AFG2A: variants seen among roughly 807,000 people sequenced by gnomAD.
AFG2A encodes AAA ATPase AFG2A, also known as ATPase family gene 2 protein homolog A.
chr4:123,301,202 G>C, the AFG2A span, among the ~76,000 whole-genome samples: 3 of 152,052 alleles, frequency 2.0e-5, no homozygotes, highest in African/African-American at 7.3e-5. Flanking sequence ...TGTATTCTTA[G>C]ATCCATCTAG....
At chr4:123,290,321 CA>C in the AFG2A span, among the ~76,000 whole-genome samples, 7 of 152,122 alleles carry the variant, frequency 4.6e-5, no homozygotes. Context: ...AGTATTTTTA[CA>C]GTTTCAGTTC....
chr4:123,109,456 G>A, the AFG2A span, among the ~76,000 whole-genome samples: 1 of 151,978 alleles, frequency 6.6e-6, no homozygotes, highest in Non-Finnish European at 1.5e-5. Context: ...GTACCATCTG[G>A]CCCTTTATTA....
the AFG2A span, among the ~76,000 whole-genome samples, chr4:123,195,583 C>A: frequency 0.013 from 1,992 of 152,080 alleles, 15 homozygotes; most frequent in African/African-American, 0.02. Context: ...ATATAAAATT[C>A]GAGTTTAACA....
chr4:123,098,039 A>G, the AFG2A span, among the ~76,000 whole-genome samples: 5 of 151,978 alleles, frequency 3.3e-5, no homozygotes, highest in Non-Finnish European at 5.9e-5. Context: ...TTTGTCTGTT[A>G]CTCCTTTTGC....
At chr4:122,945,916 G>A in the AFG2A span, among the ~76,000 whole-genome samples, 1 of 152,226 alleles carries the variant, frequency 6.6e-6, no homozygotes, top group Admixed American at 6.5e-5. Flanking sequence ...TGTAAGAGAA[G>A]GGTTGTCACC....
At chr4:123,013,984 C>T in the AFG2A span, among the ~76,000 whole-genome samples, 3 of 152,086 alleles carry the variant, frequency 2.0e-5, no homozygotes, top group Admixed American at 6.5e-5. Context: ...AAAATGATTT[C>T]TTCTAGTTTT....
the AFG2A span, among the ~76,000 whole-genome samples, chr4:123,164,016 C>T: frequency 6.6e-6 from 1 of 152,206 alleles, no homozygotes; most frequent in Non-Finnish European, 1.5e-5. Flanking sequence ...ATTGAGTGTT[C>T]TGATCAGGCT....
the AFG2A span, among the ~76,000 whole-genome samples, chr4:122,974,109 T>G: frequency 0.012 from 1,754 of 152,180 alleles, 31 homozygotes; most frequent in Middle Eastern, 0.017. Context: ...CTGTAGTTTG[T>G]ATTAGAAATA....
chr4:123,049,135 T>C, the AFG2A span, among the ~76,000 whole-genome samples: 2 of 152,222 alleles, frequency 1.3e-5, no homozygotes, highest in African/African-American at 4.8e-5. Context: ...GTTTTTGTCC[T>C]TGATTCTGTT....
chr4:123,052,128 C>T, the AFG2A span, among the ~76,000 whole-genome samples: 1 of 151,994 alleles, frequency 6.6e-6, no homozygotes, highest in Admixed American at 6.6e-5. Context: ...CCGTTCATTT[C>T]TTTTCATTCC....
chr4:123,064,239 GA>G, the AFG2A span, among the ~76,000 whole-genome samples: 3 of 152,098 alleles, frequency 2.0e-5, no homozygotes, highest in African/African-American at 7.2e-5. Flanking sequence ...CTACATTTGG[GA>G]AAATTAAAAA....
the AFG2A span, among the ~76,000 whole-genome samples, chr4:123,055,040 C>G: frequency 1.3e-5 from 2 of 152,152 alleles, no homozygotes; most frequent in African/African-American, 4.8e-5. Context: ...ATTGCTTACA[C>G]GATAAAATCT....
the AFG2A span, among the ~76,000 whole-genome samples, chr4:123,195,388 G>T: frequency 6.6e-6 from 1 of 151,872 alleles, no homozygotes; most frequent in Non-Finnish European, 1.5e-5. Flanking sequence ...CAAATTTTGG[G>T]TTTTTTTCTA....
At chr4:123,282,957 A>G in the AFG2A span, among the ~76,000 whole-genome samples, 24 of 152,162 alleles carry the variant, frequency 1.6e-4, no homozygotes, top group African/African-American at 5.5e-4. Context: ...TCTGTATCGG[A>G]ACACTTAATA....
At chr4:123,186,903 C>T in the AFG2A span, among the ~76,000 whole-genome samples, 1 of 152,042 alleles carries the variant, frequency 6.6e-6, no homozygotes, top group Non-Finnish European at 1.5e-5. Context: ...ACCTGCAAAG[C>T]TCTAATGAAT....
the AFG2A span, among the ~76,000 whole-genome samples, chr4:123,122,412 A>T: frequency 6.6e-6 from 1 of 152,086 alleles, no homozygotes; most frequent in Non-Finnish European, 1.5e-5. Context: ...TGGGCAAAAT[A>T]GCCTAACATA....
At chr4:123,138,122 T>A in the AFG2A span, among the ~76,000 whole-genome samples, 5 of 152,212 alleles carry the variant, frequency 3.3e-5, no homozygotes, top group Admixed American at 1.3e-4. Context: ...TTTCAGCCTA[T>A]AGTGTGCAAT....
At chr4:123,148,859 C>T in the AFG2A span, among the ~76,000 whole-genome samples, 1 of 151,172 alleles carries the variant, frequency 6.6e-6, no homozygotes, top group South Asian at 2.1e-4. Context: ...ACCTCTGTCT[C>T]CCGGGCTCAA....
the AFG2A span, among the ~76,000 whole-genome samples, chr4:123,048,278 A>G: frequency 6.6e-6 from 1 of 152,064 alleles, no homozygotes; most frequent in East Asian, 1.9e-4. Flanking sequence ...AGTATAATTT[A>G]AAATAACTTT....
Sources: gnomAD v4.1 joint callset for allele counts (sites outside exome capture counted in the v4.1 genomes callset) on GRCh38, gnomAD v4.1.1 for gene constraint, MANE v1.5 for transcripts, NCBI Gene and HGNC (gene_info 2026-07-23, HGNC 2026-07-21) for gene names.